Variants in PVR observed in about 807,000 individuals in gnomAD.
PVR encodes the protein PVR cell adhesion molecule, also known as poliovirus receptor.
PVR carries 39 observed loss-of-function variants against 43.3 expected under a neutral mutation model. The ratio of observed to expected loss-of-function variants is 0.90; its 90% confidence interval spans 0.70 to 1.18. The LOEUF is 1.18. Ranked by LOEUF, PVR falls within the 50% of genes most tolerant of loss-of-function variation. PVR has a pLI of 0.00. For missense variants in PVR, 480 were observed against 549.7 expected (o/e 0.87, Z 1.27); for synonymous variants, 224 against 233.2 (o/e 0.96, Z 0.36).
chr19:44,647,926 C>T (rs1973176474), intron 2 of PVR, among the ~76,000 whole-genome samples: 1 of 152,018 alleles, frequency 6.6e-6, no homozygotes, highest in Non-Finnish European at 1.5e-5. Context: ...CTTTCCTCAT[C>T]TGTAAAAGGG....
chr19:44,650,362 G>GCGGCTGTCTGCA (rs1973247729), intron 3 of PVR, among the ~76,000 whole-genome samples: 1 of 152,050 alleles, frequency 6.6e-6, no homozygotes, highest in Non-Finnish European at 1.5e-5. Context: ...GGCTCCTCTA[G>GCGGCTGTCTGCA]CGGCTGTCTG....
intron 1 of PVR, among the ~76,000 whole-genome samples, chr19:44,644,689 G>A (rs1376959693): frequency 6.6e-6 from 1 of 151,406 alleles, no homozygotes; most frequent in African/African-American, 2.4e-5. Flanking sequence ...TCTGACTCCA[G>A]GGGCCTGGCC....
intron 3 of PVR, among the ~76,000 whole-genome samples, chr19:44,651,925 G>A (rs1973291273): frequency 6.6e-6 from 1 of 152,162 alleles, no homozygotes; most frequent in African/African-American, 2.4e-5. Context: ...GGAGGCCGAG[G>A]CAGGTGGATC....
At chr19:44,658,098 C>T (rs1973501532) in intron 5 of PVR, among the ~76,000 whole-genome samples, 188 bp downstream of exon 5, 1 of 152,238 alleles carries the variant, frequency 6.6e-6, no homozygotes, top group African/African-American at 2.4e-5. Flanking sequence ...TGCCTGGATA[C>T]ACTCCCTCCA....
At position 44,662,784 on chromosome 19, in the gene PVR, A is replaced by C. The variant is rs957498983; in HGVS notation, c.*973A>C. 6.6e-6 allele frequency: 1 copy of C among 152,210 alleles called. No homozygotes were observed. Among genetic ancestry groups the C allele is most frequent in the African/African-American group, 2.4e-5 (1 of 41,442 alleles). The allele number at this position is 152,210 out of a possible 1,614,324, so 9.4% of individuals were successfully genotyped here. ...CACACAGAAGGGTGTGGGCCACCAG[A>C]GAATTTTGGTAAAAATTTGGCCTCT... On this transcript the variant is annotated 3_prime_UTR_variant, in exon 8 of 8. Coordinates refer to ENST00000425690, the MANE Select transcript of PVR (RefSeq NM_006505.5).
At position 44,657,867 on chromosome 19, in the gene PVR, T is replaced by C. The variant is rs1215649437; in HGVS notation, c.948T>C (p.Asn316=). 3.1e-6 allele frequency: 5 copies of C among 1,613,938 alleles called. No homozygotes were observed. The highest frequency in any genetic ancestry group is 4.2e-6 in the Non-Finnish European group (5 of 1,179,926). The part of the protein sequence containing the change: ...INTTLICNVT[N]ALGARQAELT... ...CAACTTTAATCTGCAACGTCACCAA[T>C]GCCCTAGGAGCTCGCCAGGCAGAAC... The change falls in exon 5 of 8, where the codon AAT becomes AAC. Residue 316 remains asparagine, a synonymous_variant. Transcript: ENST00000425690.
intron 6 of PVR, among the ~76,000 whole-genome samples, chr19:44,660,329 A>G (rs931610057): frequency 6.6e-5 from 10 of 152,216 alleles, no homozygotes; most frequent in Non-Finnish European, 7.3e-5. Flanking sequence ...AAATAGCTTA[A>G]GCTGTATGAC....
rs1338750584 is a variant in PVR, at chr19:44,661,961, G to A, written c.*150G>A. ...CTCAAAACGACGGGGGCAGGTGCAA[G>A]TTCATAGGTCTCCAAGACCACCCTC... is the stretch of plus-strand genomic sequence containing the variant. On this transcript the variant is annotated 3_prime_UTR_variant, in exon 8 of 8. Coordinates refer to ENST00000425690, the MANE Select transcript of PVR (RefSeq NM_006505.5). 3.0e-6 allele frequency: 2 copies of A among 667,272 alleles called. No individual in the cohort carries two copies. Among genetic ancestry groups the A allele is most frequent in the Non-Finnish European group, 5.2e-6 (2 of 387,676 alleles). 41.3% of individuals were successfully genotyped at this position (667,272 alleles called of 1,614,324 possible).
intron 4 of PVR, among the ~76,000 whole-genome samples, chr19:44,655,538 CCTGT>C (rs1973419836): frequency 6.6e-6 from 1 of 152,196 alleles, no homozygotes; most frequent in Non-Finnish European, 1.5e-5. Flanking sequence ...TATTATACAT[CCTGT>C]CTTTTTTCTC....
At chr19:44,654,718 T>C (rs955790565) in intron 4 of PVR, among the ~76,000 whole-genome samples, 5 of 152,252 alleles carry the variant, frequency 3.3e-5, no homozygotes, top group Admixed American at 6.5e-5. Context: ...GTAAACTTTC[T>C]TAAAACATTA....
chr19:44,647,275 C>T lies in PVR; in HGVS notation c.132C>T (p.Ser44=), dbSNP rs760276601. 6.4e-7 allele frequency: 1 copy of T among 1,566,290 alleles called. No homozygotes were observed. The highest frequency in any genetic ancestry group is 1.9e-5 in the Admixed American group (1 of 52,546). Residue 44 remains serine, a synonymous_variant, in exon 2 of 8, where the codon TCC becomes TCT. Coordinates refer to ENST00000425690, the MANE Select transcript of PVR (RefSeq NM_006505.5). The part of the protein sequence containing the change: ...PTQVPGFLGD[S]VTLPCYLQVP... ...AGGTGCCCGGCTTCTTGGGCGACTC[C>T]GTGACGCTGCCCTGCTACCTACAGG...
intron 6 of PVR, among the ~76,000 whole-genome samples, chr19:44,661,064 T>C (rs1973577714): frequency 6.6e-6 from 1 of 152,180 alleles, no homozygotes; most frequent in Non-Finnish European, 1.5e-5. Flanking sequence ...CCAGGCTCGA[T>C]ATTTATGGAT....
chr19:44,656,830 G>A (rs1044135836), intron 4 of PVR, among the ~76,000 whole-genome samples: 7 of 152,074 alleles, frequency 4.6e-5, no homozygotes, highest in African/African-American at 7.2e-5. Context: ...AAAATTGGCC[G>A]GGTGTGGTGG....
In PVR at chr19:44,658,835, G is replaced by A. The variant is rs1475550584; in HGVS notation, c.1085G>A (p.Gly362Glu). Residue 362 changes from glycine to glutamate, a missense_variant, in exon 6 of 8, where the codon GGG becomes GAG. Gly to Glu is a moderately conservative substitution (Grantham distance 98). Transcript: ENST00000425690. Reference sequence around the variant, plus strand: ...GTTTTTCTGATCCTGCTGGGGATCGGGATTTATTTCTATTGGTCCAAATGT... The same window carrying A: ...GTTTTTCTGATCCTGCTGGGGATCGAGATTTATTTCTATTGGTCCAAATGT... ...ILVFLILLGIGIYFYWSKCSR... is the reference protein window; with the variant it reads ...ILVFLILLGIEIYFYWSKCSR... 2 of 1,614,136 alleles carry A rather than the reference G, an allele frequency of 1.2e-6. No homozygotes were observed. Among genetic ancestry groups the A allele is most frequent in the South Asian group, 1.1e-5 (1 of 91,086 alleles).
rs375188410 is a variant in PVR, at chr19:44,661,730, C to G, written c.1183-10C>G. On this transcript the variant is annotated splice_polypyrimidine_tract_variant and intron_variant, in intron 7 of 7. Transcript: ENST00000425690. Reference sequence around the variant, plus strand: ...AGCCCCAAGGCTAAAATTTGAAAACCCTCTTCTAGCATGTCTCCTATTCAG... The same window carrying G: ...AGCCCCAAGGCTAAAATTTGAAAACGCTCTTCTAGCATGTCTCCTATTCAG... The G allele has an allele frequency of 1.2e-4, 190 of 1,613,516 alleles. No individual in the cohort carries two copies. The highest frequency in any genetic ancestry group is 1.4e-4 in the Non-Finnish European group (169 of 1,179,628).
intron 4 of PVR, among the ~76,000 whole-genome samples, chr19:44,655,261 ATT>A (rs1298690388): frequency 6.6e-6 from 1 of 151,174 alleles, no homozygotes; most frequent in African/African-American, 2.4e-5. Context: ...ATTTTGTTGT[ATT>A]TTTTTTGCAG....
chr19:44,647,077 T>TCCCCCCCCCCCCCCCCCCC, intron 1 of PVR, 146 bp from the exon 2 acceptor site: 2 of 311,374 alleles, frequency 6.4e-6, no homozygotes, highest in Non-Finnish European at 1.1e-5. Flanking sequence ...GTGCCCCAGT[T>TCCCCCCCCCCCCCCCCCCC]CCCCCTCCCC....
chr19:44,644,142 C>G lies in PVR; in HGVS notation c.46C>G (p.Leu16Val), dbSNP rs1295553846. 3 of 1,519,952 alleles carry G rather than the reference C, an allele frequency of 2.0e-6. No individual in the cohort carries two copies. Among genetic ancestry groups the G allele is most frequent in the Non-Finnish European group, 2.6e-6 (3 of 1,139,128 alleles). The allele number at this position is 1,519,952 out of a possible 1,614,324, so 94.2% of individuals were successfully genotyped here. The part of the protein sequence containing the change: ...AAAWPLLLVA[L>V]LVLSWPPPGT... The stretch of plus-strand genomic sequence containing the variant: ...CGCGTGGCCGCTGCTGCTGGTGGCG[C>G]TACTGGTGCTGTCCTGGCCACCCCC... Residue 16 changes from leucine to valine, a missense_variant, in exon 1 of 8, where the codon CTA (leucine) becomes GTA (valine). Physicochemically the swap from Leu to Val is conservative, Grantham distance 32 (BLOSUM62 1). Coordinates refer to ENST00000425690, the MANE Select transcript of PVR (RefSeq NM_006505.5).
Position 44,653,809 on chromosome 19 carries a change from C to T in PVR, c.725-91C>T, listed in dbSNP as rs374348763. The T allele has an allele frequency of 3.5e-4, 298 of 849,454 alleles. 2 individuals are homozygous for T. The African/African-American group carries it at 3.8e-3, about 11-fold the overall frequency. The allele number at this position is 849,454 out of a possible 1,614,324, so 52.6% of individuals were successfully genotyped here. A position where few individuals can be genotyped will look rare whatever the true frequency, so the allele number is the denominator to read the frequency against. ...GCTCCCGCTGTTTTCCAAATATCCC[C>T]GGGCCTTTTCCTGCAGTGTCGTGAA... On this transcript the variant is annotated intron_variant, in intron 3 of 7. Coordinates refer to ENST00000425690, the MANE Select transcript of PVR (RefSeq NM_006505.5).
Sources: allele counts gnomAD v4.1 joint callset (sites outside exome capture counted in the v4.1 genomes callset), GRCh38; gene constraint gnomAD v4.1.1; transcripts MANE v1.5; gene names NCBI Gene and HGNC (gene_info 2026-07-23, HGNC 2026-07-21).